Variants in AGPAT1 observed in about 807,000 individuals in gnomAD.
AGPAT1 encodes 1-acylglycerol-3-phosphate O-acyltransferase 1, also known as 1-acyl-sn-glycerol-3-phosphate acyltransferase alpha.
In AGPAT1, 6 loss-of-function variants were observed where a neutral mutation model predicts 31.2. The observed-to-expected ratio is 0.19, with a 90% CI of 0.11 to 0.38. The LOEUF is 0.38. AGPAT1 is among the 10% of genes least tolerant of loss of function. The probability of loss-of-function intolerance (pLI) is 1.00; values close to 1 mark genes in which losing one functional copy is unlikely to be tolerated. For synonymous variants in AGPAT1, 139 were observed against 154.0 expected (o/e 0.90, Z 0.72); for missense variants, 187 against 377.8 (o/e 0.49, Z 4.19).
At chr6:32,177,278 A>G (rs191766949), upstream of AGPAT1, 479 of 393,890 alleles carry the variant, frequency 1.2e-3, 2 homozygotes, top group African/African-American at 9.0e-3. Context: ...TGATTGTAGG[A>G]AAAGCCCAAA....
In AGPAT1 at chr6:32,169,868, T is replaced by A; in HGVS notation, c.679+98A>T. The A allele has an allele frequency of 9.0e-7, 1 of 1,114,384 alleles. No homozygotes were observed. The highest frequency in any genetic ancestry group is 1.3e-6 in the Non-Finnish European group (1 of 750,166). The allele number at this position is 1,114,384 out of a possible 1,614,324, so 69.0% of individuals were successfully genotyped here. A position where few individuals can be genotyped will look rare whatever the true frequency, so the allele number is the denominator to read the frequency against. ...GTTAGACTAGATGACTGTGTAGACA[T>A]CTCATGGCTCTGACACTGAATGATC... On this transcript the variant is annotated intron_variant, in intron 6 of 6. Transcript: ENST00000375107. The surrounding 1 kb of genome is among the most constrained non-coding windows in gnomAD (Gnocchi z 5.9).
rs1784953379 is a variant in AGPAT1 at position 32,170,191 on chromosome 6, C to T, written c.580G>A (p.Ala194Thr). ...NGSMLPFKRG[A>T]FHLAVQAQVP... is the part of the protein sequence containing the mutation. ...TGGGCCTGCACTGCAAGATGGAAGG[C>T]GCCACGTTTGAAGGGCAGCATGGAG... The change falls in exon 5 of 7, where the codon GCC becomes ACC. Residue 194 changes from alanine to threonine, a missense_variant. Physicochemically the swap from Ala to Thr is moderately conservative, Grantham distance 58. Coordinates refer to ENST00000375107, the MANE Select transcript of AGPAT1 (RefSeq NM_006411.4). The surrounding 1 kb of genome is among the most constrained non-coding windows in gnomAD (Gnocchi z 7.7). 1.9e-6 allele frequency: 3 copies of T among 1,613,984 alleles called. No individual in the cohort carries two copies. The highest frequency in any genetic ancestry group is 1.3e-5 in the African/African-American group (1 of 74,908).
At position 32,170,483 on chromosome 6, in the gene AGPAT1, C is replaced by T. The variant is rs1184868508; in HGVS notation, c.452G>A (p.Arg151His). 4 of 1,612,960 alleles carry T rather than the reference C, an allele frequency of 2.5e-6. No homozygotes were observed. Among genetic ancestry groups the T allele is most frequent in the South Asian group, 1.1e-5 (1 of 91,088 alleles). Residue 151 changes from arginine to histidine, a missense_variant, in exon 4 of 7, where the codon CGC (arginine) becomes CAC (histidine). Coordinates refer to ENST00000375107, the MANE Select transcript of AGPAT1 (RefSeq NM_006411.4). The surrounding 1 kb of genome is among the most constrained non-coding windows in gnomAD (Gnocchi z 7.7). ...CATGACACTGATGGCATCCCCCGTGCGCTTCCGGTCGATGAAGATGACTCC... is the reference window on the plus strand; with the variant it reads ...CATGACACTGATGGCATCCCCCGTGTGCTTCCGGTCGATGAAGATGACTCC... The part of the protein sequence containing the change: ...LAGVIFIDRK[R>H]TGDAISVMSE...
rs1416010157 is a variant in AGPAT1, at chr6:32,171,967, A to C, written c.-9-462T>G. 1 of 183,352 alleles carries C rather than the reference A, an allele frequency of 5.5e-6. No individual in the cohort carries two copies. The highest frequency in any genetic ancestry group is 1.2e-5 in the Non-Finnish European group (1 of 86,390). The allele number at this position is 183,352 out of a possible 1,614,324, so 11.4% of individuals were successfully genotyped here. ...CATCAGATTTCAAAGACTGAATAAAAAACAAAATGTGAGATATCCATTACT... is the reference window on the plus strand; with the variant it reads ...CATCAGATTTCAAAGACTGAATAAACAACAAAATGTGAGATATCCATTACT... On this transcript the variant is annotated intron_variant, in intron 1 of 6. Transcript: ENST00000375107. This position sits in a 1 kb window ranked among gnomAD's most constrained non-coding sequence, Gnocchi z 6.9.
At position 32,170,131 on chromosome 6, in the gene AGPAT1, G is replaced by A; in HGVS notation, c.606+34C>T. 1 of 1,612,250 alleles carries A rather than the reference G, an allele frequency of 6.2e-7. No individual in the cohort carries two copies. The highest frequency in any genetic ancestry group is 1.1e-5 in the South Asian group (1 of 91,022). On this transcript the variant is annotated intron_variant, in intron 5 of 6. Coordinates refer to ENST00000375107, the MANE Select transcript of AGPAT1 (RefSeq NM_006411.4). The surrounding 1 kb of genome is among the most constrained non-coding windows in gnomAD (Gnocchi z 7.7). ...AGAGATGAGGGAATGGTGGGGGTTG[G>A]CAGCTGAGTAGCAGAACGAAGAGCA...
At position 32,173,696 on chromosome 6, in the gene AGPAT1, T is replaced by C. The variant is rs150382751; in HGVS notation, c.-10+2118A>G. ...CCCACCTTGAACATGCTGTTCCCTT[T>C]GGCTGGAATGCCTGTCTCTTCTCCT... On this transcript the variant is annotated intron_variant, in intron 1 of 6. Coordinates refer to ENST00000375107, the MANE Select transcript of AGPAT1 (RefSeq NM_006411.4). The surrounding 1 kb of genome is among the most constrained non-coding windows in gnomAD (Gnocchi z 4.7). 6.6e-6 allele frequency among the ~76,000 whole-genome samples: 1 copy of C among 152,352 alleles called. No homozygotes were observed. The highest frequency in any genetic ancestry group is 1.9e-4 in the East Asian group (1 of 5,192).
At position 32,170,372 on chromosome 6, in the gene AGPAT1, C is replaced by T. The variant is rs937844708; in HGVS notation, c.510+53G>A. 6.2e-7 allele frequency: 1 copy of T among 1,612,914 alleles called. No homozygotes were observed. The highest frequency in any genetic ancestry group is 1.7e-4 in the Middle Eastern group (1 of 6,060). On this transcript the variant is annotated intron_variant, in intron 4 of 6. Coordinates refer to ENST00000375107, the MANE Select transcript of AGPAT1 (RefSeq NM_006411.4). This position sits in a 1 kb window ranked among gnomAD's most constrained non-coding sequence, Gnocchi z 7.7. ...CTGGCCCTGCATATCAGTTTATTTA[C>T]AACTGTTCTACTCTGTATCCCTCCA...
chr6:32,169,829 T>C lies in AGPAT1; in HGVS notation c.679+137A>G, dbSNP rs1191607168. On this transcript the variant is annotated intron_variant, in intron 6 of 6. Coordinates refer to ENST00000375107, the MANE Select transcript of AGPAT1 (RefSeq NM_006411.4). This position sits in a 1 kb window ranked among gnomAD's most constrained non-coding sequence, Gnocchi z 5.9. ...ATGGTGGGTGCTTAGTAAAGACTTA[T>C]TGGCTGATGTGGGGTTAGACTAGAT... 1.5e-5 allele frequency: 12 copies of C among 800,984 alleles called. No individual in the cohort carries two copies. In the Admixed American group the frequency reaches 2.1e-4, roughly 14 times the overall value. 49.6% of individuals were successfully genotyped at this position (800,984 alleles called of 1,614,324 possible). A position where few individuals can be genotyped will look rare whatever the true frequency, so the allele number is the denominator to read the frequency against.
At chr6:32,176,116 G>A (rs1029307087), upstream of AGPAT1, 1 of 985,434 alleles carries the variant, frequency 1.0e-6, no homozygotes, top group Non-Finnish European at 1.2e-6. Flanking sequence ...AACGCCTGCT[G>A]GTTTCCGGGG....
At position 32,169,309 on chromosome 6, in the gene AGPAT1, A is replaced by G. The variant is rs1032048998; in HGVS notation, c.819T>C (p.Gly273=). Residue 273 remains glycine, a synonymous_variant, in exon 7 of 7, where the codon GGT becomes GGC. Coordinates refer to ENST00000375107, the MANE Select transcript of AGPAT1 (RefSeq NM_006411.4). The surrounding 1 kb of genome is among the most constrained non-coding windows in gnomAD (Gnocchi z 5.9). ...REISTDGRGG[G]DYLKKPGGGG is the part of the protein sequence containing the mutation. ...CGCCCCCAGGCTTCTTCAGATAGTC[A>G]CCACCACCCCGGCCATCAGTGGAGA... The G allele has an allele frequency of 6.2e-7, 1 of 1,612,924 alleles. No individual in the cohort carries two copies. Among genetic ancestry groups the G allele is most frequent in the Non-Finnish European group, 8.5e-7 (1 of 1,179,944 alleles).
In AGPAT1 at chr6:32,169,565, A is replaced by AC. The variant is rs1213860765; in HGVS notation, c.680-118dup. On this transcript the variant is annotated intron_variant, in intron 6 of 6. Coordinates refer to ENST00000375107, the MANE Select transcript of AGPAT1 (RefSeq NM_006411.4). This position sits in a 1 kb window ranked among gnomAD's most constrained non-coding sequence, Gnocchi z 5.9. The stretch of plus-strand genomic sequence containing the variant: ...TTCAGTTCTCTTCCCCCAACCCTGG[A>AC]CAACCATCCCTGGGCTTGCCAGCTG... The AC allele has an allele frequency of 7.6e-7, 1 of 1,312,804 alleles. No individual in the cohort carries two copies. Among genetic ancestry groups the AC allele is most frequent in the Non-Finnish European group, 1.0e-6 (1 of 958,210 alleles). The allele number at this position is 1,312,804 out of a possible 1,614,324, so 81.3% of individuals were successfully genotyped here. A position where few individuals can be genotyped will look rare whatever the true frequency, so the allele number is the denominator to read the frequency against.
At chr6:32,176,796 T>G, upstream of AGPAT1, 1 of 383,066 alleles carries the variant, frequency 2.6e-6, no homozygotes, top group South Asian at 1.5e-4. Flanking sequence ...AGACAACCCC[T>G]TCTCACAACA....
At position 32,171,185 on chromosome 6, in the gene AGPAT1, T is replaced by G; in HGVS notation, c.200+112A>C. ...CCTTTGCAGTCCTCTCCCCATTCCC[T>G]GTCTCTGGTCTCTCTCAGTCTTTTC... On this transcript the variant is annotated intron_variant, in intron 2 of 6. Coordinates refer to ENST00000375107, the MANE Select transcript of AGPAT1 (RefSeq NM_006411.4). The surrounding 1 kb of genome is among the most constrained non-coding windows in gnomAD (Gnocchi z 6.9). The G allele has an allele frequency of 6.3e-7, 1 of 1,592,388 alleles. No individual in the cohort carries two copies. Among genetic ancestry groups the G allele is most frequent in the Non-Finnish European group, 8.6e-7 (1 of 1,167,086 alleles).
Position 32,170,223 on chromosome 6 carries a change from T to C in AGPAT1, c.548A>G (p.His183Arg), listed in dbSNP as rs752223345. 6.2e-7 allele frequency: 1 copy of C among 1,614,082 alleles called. No individual in the cohort carries two copies. Among genetic ancestry groups the C allele is most frequent in the South Asian group, 1.1e-5 (1 of 91,052 alleles). Residue 183 changes from histidine to arginine, a missense_variant, in exon 5 of 7, where the codon CAC becomes CGC. Coordinates refer to ENST00000375107, the MANE Select transcript of AGPAT1 (RefSeq NM_006411.4). This position sits in a 1 kb window ranked among gnomAD's most constrained non-coding sequence, Gnocchi z 7.7. ...VWVFPEGTRN[H>R]NGSMLPFKRG... ...TTTGAAGGGCAGCATGGAGCCATTG[T>C]GGTTTCTCGTTCCCTCAGGAAACAC...
In AGPAT1 at chr6:32,170,386, T is replaced by G; in HGVS notation, c.510+39A>C. 1 of 1,613,732 alleles carries G rather than the reference T, an allele frequency of 6.2e-7. No individual in the cohort carries two copies. The highest frequency in any genetic ancestry group is 8.5e-7 in the Non-Finnish European group (1 of 1,179,786). On this transcript the variant is annotated intron_variant, in intron 4 of 6. Transcript: ENST00000375107. The surrounding 1 kb of genome is among the most constrained non-coding windows in gnomAD (Gnocchi z 7.7). ...CAGTTTATTTACAACTGTTCTACTCTGTATCCCTCCAATCCCCCATTTCCC... is the reference window on the plus strand; with the variant it reads ...CAGTTTATTTACAACTGTTCTACTCGGTATCCCTCCAATCCCCCATTTCCC...
Position 32,171,349 on chromosome 6 carries a change from C to T in AGPAT1, c.148G>A (p.Val50Met). 1 of 1,613,162 alleles carries T rather than the reference C, an allele frequency of 6.2e-7. No individual in the cohort carries two copies. Among genetic ancestry groups the T allele is most frequent in the Non-Finnish European group, 8.5e-7 (1 of 1,180,044 alleles). Residue 50 changes from valine (V) to methionine (M), a missense_variant, in exon 2 of 7, where the codon GTG becomes ATG. Transcript: ENST00000375107. The surrounding 1 kb of genome is among the most constrained non-coding windows in gnomAD (Gnocchi z 6.9). ...ACGGCACACACAGGGATGGCGAGCA[C>T]AGCCAGGAAGAGGATCCAGCCATTG... ...FYNGWILFLAVLAIPVCAVRG... is the reference protein window; with the variant it reads ...FYNGWILFLAMLAIPVCAVRG...
In AGPAT1 at chr6:32,169,467, C is replaced by T. The variant is rs1784856384; in HGVS notation, c.680-19G>A. The T allele has an allele frequency of 4.3e-6, 7 of 1,610,326 alleles. No homozygotes were observed. The East Asian group carries it at 1.6e-4, about 36-fold the overall frequency. ...CATTGTCCTGGGGCAAGGGGAGCAC[C>T]ATCATGGCCTGTCCACCCAGGTCTT... On this transcript the variant is annotated intron_variant, in intron 6 of 6. Transcript: ENST00000375107. This position sits in a 1 kb window ranked among gnomAD's most constrained non-coding sequence, Gnocchi z 5.9.
chr6:32,175,664 C>T lies in AGPAT1; in HGVS notation c.-10+150G>A, dbSNP rs1377666357. 1.3e-5 allele frequency: 3 copies of T among 231,864 alleles called. No homozygotes were observed. Among genetic ancestry groups the T allele is most frequent in the Non-Finnish European group, 2.1e-5 (3 of 140,744 alleles). 14.4% of individuals were successfully genotyped at this position (231,864 alleles called of 1,614,324 possible). ...CCTCTCAGGTCCCCTCTCCTATCCC[C>T]AGCAACCCTCTTCCCAGTCGGCCCC... is the stretch of plus-strand genomic sequence containing the variant. On this transcript the variant is annotated intron_variant, in intron 1 of 6. Coordinates refer to ENST00000375107, the MANE Select transcript of AGPAT1 (RefSeq NM_006411.4). This position sits in a 1 kb window ranked among gnomAD's most constrained non-coding sequence, Gnocchi z 4.5.
Position 32,174,187 on chromosome 6 carries a change from G to A in AGPAT1, c.-10+1627C>T, listed in dbSNP as rs948784283. Among the ~76,000 whole-genome samples, 3 of 152,204 alleles carry A rather than the reference G, an allele frequency of 2.0e-5. No individual in the cohort carries two copies. Among genetic ancestry groups the A allele is most frequent in the African/African-American group, 7.2e-5 (3 of 41,448 alleles). ...CTCCAGTGCCAGGACAATAGGAGAT[G>A]GAGTAGGTGCTCAATAAACACTTGC... is the stretch of plus-strand genomic sequence containing the variant. On this transcript the variant is annotated intron_variant, in intron 1 of 6. Transcript: ENST00000375107. This position sits in a 1 kb window ranked among gnomAD's most constrained non-coding sequence, Gnocchi z 4.5.
Sources: allele counts gnomAD v4.1 joint callset (sites outside exome capture counted in the v4.1 genomes callset), GRCh38; gene constraint gnomAD v4.1.1; non-coding constraint Gnocchi (gnomAD v3.1); transcripts MANE v1.5; gene names NCBI Gene and HGNC (gene_info 2026-07-23, HGNC 2026-07-21).